Variants in MICALL1 observed in about 807,000 individuals in gnomAD.
MICALL1 encodes MICAL-like protein 1.
Under a neutral mutation model 83.7 loss-of-function variants are expected in MICALL1, and 61 were observed. The ratio of observed to expected loss-of-function variants is 0.73; its 90% CI spans 0.59 to 0.90. MICALL1 has a LOEUF of 0.90. MICALL1 is among the 40% of genes least tolerant of loss of function. The pLI, the probability that MICALL1 is intolerant of heterozygous loss-of-function variation, is 0.00. For missense variants in MICALL1, 1,066 were observed against 1,152.0 expected (o/e 0.93, Z 1.08); for synonymous variants, 481 against 473.6 (o/e 1.02, Z -0.20).
At chr22:37,934,602 T>C (rs928837188) in intron 13 of MICALL1, among the ~76,000 whole-genome samples, 5 of 151,132 alleles carry the variant, frequency 3.3e-5, no homozygotes, top group African/African-American at 1.2e-4. Flanking sequence ...TTTATTATTA[T>C]TATTTTTTTT....
chr22:37,928,058 C>G (rs934052786), intron 9 of MICALL1, among the ~76,000 whole-genome samples: 1 of 152,052 alleles, frequency 6.6e-6, no homozygotes. Flanking sequence ...AGGCGCCCAC[C>G]ACCACGCCCG....
In MICALL1 at chr22:37,927,426, G is replaced by T; in HGVS notation, c.1481G>T (p.Arg494Leu). The T allele has an allele frequency of 6.3e-7, 1 of 1,587,536 alleles. No individual in the cohort carries two copies. The highest frequency in any genetic ancestry group is 1.1e-5 in the South Asian group (1 of 90,442). The change falls in exon 9 of 16, where the codon CGC (arginine) becomes CTC (leucine). Residue 494 changes from arginine (R) to leucine (L), a missense_variant. Transcript: ENST00000215957. ...SASPLALHAS[R>L]LSHSEPPSAT... is the part of the protein sequence containing the mutation. ...GTCCGCACAGCTCTCCACGCCTCCC[G>T]CCTCTCGCACTCGGAGCCGCCCTCG...
At chr22:37,912,245 C>G in intron 2 of MICALL1, 106 bp from the exon 3 acceptor site, 1 of 1,396,924 alleles carries the variant, frequency 7.2e-7, no homozygotes, top group Non-Finnish European at 9.8e-7. Flanking sequence ...CCACAGTCAC[C>G]CCATCCCACT....
At chr22:37,914,576 A>G (rs1928554166) in intron 3 of MICALL1, among the ~76,000 whole-genome samples, 1 of 151,466 alleles carries the variant, frequency 6.6e-6, no homozygotes, top group Non-Finnish European at 1.5e-5. Flanking sequence ...ATGCATATAC[A>G]TATATATGTA....
rs932360027 is a variant in MICALL1, at chr22:37,907,136, C to T, written c.146+568C>T. 2.6e-5 allele frequency: 4 copies of T among 153,052 alleles called. No individual in the cohort carries two copies. In the Admixed American group the frequency reaches 2.6e-4, roughly 10 times the overall value. The allele number at this position is 153,052 out of a possible 1,614,324, so 9.5% of individuals were successfully genotyped here. A position where few individuals can be genotyped will look rare whatever the true frequency, so the allele number is the denominator to read the frequency against. The stretch of plus-strand genomic sequence containing the variant: ...TGTTGGATGAATGGATGTACAGACC[C>T]TGTGCTTTCCCCACGCCCCCCAACT... On this transcript the variant is annotated intron_variant, in intron 1 of 15. Transcript: ENST00000215957.
In MICALL1 at chr22:37,919,018, C is replaced by T. The variant is rs1351127004; in HGVS notation, c.427-18C>T. ...GACCATGTCCTGCTCCCAACCTCCC[C>T]CACCTCGTTCTCTGCAGGGCGAGGA... On this transcript the variant is annotated intron_variant, in intron 4 of 15. Transcript: ENST00000215957. 2 of 1,534,544 alleles carry T rather than the reference C, an allele frequency of 1.3e-6. No homozygotes were observed. The highest frequency in any genetic ancestry group is 4.0e-5 in the Admixed American group (2 of 50,350).
At chr22:37,940,598 G>A (rs1930382601) in intron 15 of MICALL1, 111 bp from the exon 16 acceptor site, 3 of 1,352,954 alleles carry the variant, frequency 2.2e-6, no homozygotes, top group Admixed American at 2.0e-5. Flanking sequence ...GAAGTGGTGG[G>A]GCTGGGCTGA....
chr22:37,922,414 A>G lies in MICALL1; in HGVS notation c.1012A>G (p.Ser338Gly). 1 of 1,529,604 alleles carries G rather than the reference A, an allele frequency of 6.5e-7. No individual in the cohort carries two copies. Among genetic ancestry groups the G allele is most frequent in the Non-Finnish European group, 8.8e-7 (1 of 1,142,252 alleles). The allele number at this position is 1,529,604 out of a possible 1,614,324, so 94.8% of individuals were successfully genotyped here. ...CCTGGTGGAGCAGGCTGGCAGCAGC[A>G]GCCTGGTGAACGGTGAGCAGGGTGC... ...ENLVEQAGSS[S>G]LVNGRLHELP... The change falls in exon 6 of 16, where the codon AGC (serine) becomes GGC (glycine). Residue 338 changes from serine (S) to glycine (G), a missense_variant. By Grantham distance (56) the Ser-to-Gly change is moderately conservative. Transcript: ENST00000215957.
chr22:37,940,723 G>T lies in MICALL1; in HGVS notation c.2485G>T (p.Ala829Ser), dbSNP rs1474012000. 5 of 1,613,872 alleles carry T rather than the reference G, an allele frequency of 3.1e-6. No individual in the cohort carries two copies. ...CTGTGCTGCAGAGTTCCAGAGGGAGGCTGAACCTGAGGGCAAGAAGAAGGG... is the reference window on the plus strand; with the variant it reads ...CTGTGCTGCAGAGTTCCAGAGGGAGTCTGAACCTGAGGGCAAGAAGAAGGG... Reference protein sequence around the residue: ...MIKKKEFQREAEPEGKKKGKF... With the variant: ...MIKKKEFQRESEPEGKKKGKF... Residue 829 changes from alanine to serine, a missense_variant, in exon 16 of 16, where the codon GCT becomes TCT. Transcript: ENST00000215957.
intron 9 of MICALL1, among the ~76,000 whole-genome samples, chr22:37,929,912 C>G (rs1285284284): frequency 2.0e-5 from 3 of 152,226 alleles, no homozygotes; most frequent in Non-Finnish European, 4.4e-5. Context: ...CTGGTCCCGG[C>G]AAGAGCCTCT....
At chr22:37,915,369 A>C (rs967269474) in intron 3 of MICALL1, among the ~76,000 whole-genome samples, 2 of 152,224 alleles carry the variant, frequency 1.3e-5, no homozygotes, top group African/African-American at 2.4e-5. Context: ...TGAACAAATA[A>C]CATTATGTAT....
chr22:37,929,770 C>G (rs1310575688), intron 9 of MICALL1, among the ~76,000 whole-genome samples: 1 of 152,208 alleles, frequency 6.6e-6, no homozygotes, highest in Non-Finnish European at 1.5e-5. Context: ...TTGGATGGCC[C>G]AACGCTCTGC....
chr22:37,923,139 C>G (rs1929201529), intron 6 of MICALL1, among the ~76,000 whole-genome samples: 1 of 151,954 alleles, frequency 6.6e-6, no homozygotes, highest in Non-Finnish European at 1.5e-5. Context: ...CCATGTTGGC[C>G]AGGCTGGTCT....
chr22:37,910,330 C>T lies in MICALL1; in HGVS notation c.147-1622C>T, dbSNP rs117118461. Among the ~76,000 whole-genome samples, 22 of 152,212 alleles carry T rather than the reference C, an allele frequency of 1.4e-4. No homozygotes were observed. In the East Asian group the frequency reaches 3.9e-3, roughly 27 times the overall value. ...CAGAGTAGCTAGAATGTGACCCCAG[C>T]CTTCTTGGAACACTTCTGGGGTGAC... On this transcript the variant is annotated intron_variant, in intron 1 of 15. Coordinates refer to ENST00000215957, the MANE Select transcript of MICALL1 (RefSeq NM_033386.4).
At position 37,924,823 on chromosome 22, in the gene MICALL1, CG is replaced by C; in HGVS notation, c.1082+110del. 1 of 1,159,518 alleles carries C rather than the reference CG, an allele frequency of 8.6e-7. No individual in the cohort carries two copies. Among genetic ancestry groups the C allele is most frequent in the Non-Finnish European group, 1.2e-6 (1 of 807,336 alleles). The allele number at this position is 1,159,518 out of a possible 1,614,324, so 71.8% of individuals were successfully genotyped here. ...AGAGGCTTCCTGTGGATGGGCAGGG[CG>C]GGGCTCAGGAGGGGAAGGAGAGCTG... On this transcript the variant is annotated intron_variant, in intron 7 of 15. Transcript: ENST00000215957. This position sits in a 1 kb window ranked among gnomAD's most constrained non-coding sequence, Gnocchi z 5.2.
rs180854123 is a variant in MICALL1, at chr22:37,918,930, C to T, written c.427-106C>T. The T allele has an allele frequency of 2.5e-5, 34 of 1,349,630 alleles. No individual in the cohort carries two copies. The Admixed American group carries it at 8.8e-4, about 35-fold the overall frequency. The allele number at this position is 1,349,630 out of a possible 1,614,324, so 83.6% of individuals were successfully genotyped here. A position where few individuals can be genotyped will look rare whatever the true frequency, so the allele number is the denominator to read the frequency against. ...CATTTCCACCACGAAGCCTGGTGCA[C>T]ACTTGAGTGACGGTGGCCGTTGGAG... On this transcript the variant is annotated intron_variant, in intron 4 of 15. Coordinates refer to ENST00000215957, the MANE Select transcript of MICALL1 (RefSeq NM_033386.4).
chr22:37,921,343 G>A (rs1471864061), intron 5 of MICALL1, among the ~76,000 whole-genome samples: 1 of 152,120 alleles, frequency 6.6e-6, no homozygotes, highest in Non-Finnish European at 1.5e-5. Flanking sequence ...CTATGCAGGT[G>A]GATCACTTGA....
At chr22:37,923,988 C>A (rs1929260128) in intron 6 of MICALL1, among the ~76,000 whole-genome samples, 1 of 152,148 alleles carries the variant, frequency 6.6e-6, no homozygotes, top group Non-Finnish European at 1.5e-5. Flanking sequence ...TCCCAGATGA[C>A]CTCCCTGGGT....
intron 2 of MICALL1, 41 bp downstream of exon 2, chr22:37,912,041 A>ATGTGTG: frequency 5.3e-6 from 8 of 1,517,642 alleles, no homozygotes; most frequent in Admixed American, 3.4e-5. Context: ...GGCTCTGTGT[A>ATGTGTG]TGTGTGTGTG....
Sources: allele counts gnomAD v4.1 joint callset (sites outside exome capture counted in the v4.1 genomes callset), GRCh38; gene constraint gnomAD v4.1.1; non-coding constraint Gnocchi (gnomAD v3.1); transcripts MANE v1.5; gene names NCBI Gene and HGNC (gene_info 2026-07-23, HGNC 2026-07-21).